PKHD1: variants seen among roughly 807,000 people sequenced by gnomAD.
PKHD1 encodes PKHD1 ciliary IPT domain containing fibrocystin/polyductin.
A neutral mutation model predicts 412.0 loss-of-function variants in PKHD1; 291 were observed. The observed-to-expected ratio is 0.71, with a 90% CI of 0.64 to 0.78. The LOEUF (loss-of-function observed/expected upper bound fraction) is 0.78. PKHD1 is among the 30% of genes least tolerant of loss of function. PKHD1 has a pLI of 0.00. For missense variants in PKHD1, 4,825 were observed against 4,950.7 expected (o/e 0.97, Z 0.76); for synonymous variants, 1,777 against 1,821.5 (o/e 0.98, Z 0.62).
At chr6:51,942,303 C>A (rs1057097644) in intron 36 of PKHD1, among the ~76,000 whole-genome samples, 2 of 151,772 alleles carry the variant, frequency 1.3e-5, no homozygotes, top group African/African-American at 2.4e-5. Flanking sequence ...TGCCCTGTAG[C>A]CTTTTTATCC....
At chr6:51,956,809 T>C (rs1054482115) in intron 36 of PKHD1, among the ~76,000 whole-genome samples, 1 of 151,908 alleles carries the variant, frequency 6.6e-6, no homozygotes, top group African/African-American at 2.4e-5. Flanking sequence ...CCATAGACAT[T>C]ACAGGCAAAG....
chr6:51,937,729 T>C (rs1413728312), intron 36 of PKHD1, among the ~76,000 whole-genome samples: 1 of 152,182 alleles, frequency 6.6e-6, no homozygotes, highest in Admixed American at 6.5e-5. Flanking sequence ...ATCTGTAAAA[T>C]GGGCATGGTA....
chr6:51,625,705 C>T (rs1767138114), intron 66 of PKHD1, among the ~76,000 whole-genome samples: 1 of 152,100 alleles, frequency 6.6e-6, no homozygotes, highest in South Asian at 2.1e-4. Context: ...CACTGAAATG[C>T]ACATAAATGG....
chr6:51,700,771 A>G (rs1779322833), intron 60 of PKHD1, among the ~76,000 whole-genome samples: 1 of 152,168 alleles, frequency 6.6e-6, no homozygotes, highest in African/African-American at 2.4e-5. Context: ...TTTGCAGAGA[A>G]TTAAAAAACC....
At chr6:51,837,328 T>C (rs554363748) in intron 50 of PKHD1, among the ~76,000 whole-genome samples, 1 of 152,288 alleles carries the variant, frequency 6.6e-6, no homozygotes, top group African/African-American at 2.4e-5. Flanking sequence ...TCGGCCAAAT[T>C]CACATTCTCC....
intron 36 of PKHD1, among the ~76,000 whole-genome samples, chr6:51,942,068 C>G (rs1393982400): frequency 6.6e-6 from 1 of 151,670 alleles, no homozygotes; most frequent in Non-Finnish European, 1.5e-5. Context: ...ACTTTAGACA[C>G]CTAGTTTTGC....
chr6:51,643,924 G>T (rs977843423), intron 63 of PKHD1, among the ~76,000 whole-genome samples: 4 of 151,278 alleles, frequency 2.6e-5, no homozygotes, highest in African/African-American at 4.9e-5. Context: ...GAAAACATTT[G>T]GTGTCTTAAT....
At chr6:52,007,020 T>C (rs888969187) in intron 35 of PKHD1, among the ~76,000 whole-genome samples, 9 of 152,336 alleles carry the variant, frequency 5.9e-5, no homozygotes, top group Non-Finnish European at 1.3e-4. Flanking sequence ...ATGCCATTAA[T>C]TTGTTCCTTT....
rs182247577 is a variant in PKHD1, at chr6:51,799,760, A to G, written c.8303-8387T>C. Among the ~76,000 whole-genome samples, 637 of 152,316 alleles carry G rather than the reference A, an allele frequency of 4.2e-3. 4 individuals carry two copies. The highest frequency in any genetic ancestry group is 0.012 in the African/African-American group (491 of 41,584). On this transcript the variant is annotated intron_variant, in intron 52 of 66. Coordinates refer to ENST00000371117, the MANE Select transcript of PKHD1 (RefSeq NM_138694.4). The stretch of plus-strand genomic sequence containing the variant: ...AGGATTTCTCTCTTTTGAGGAGTGG[A>G]AAGCTGGCATCTATGTGCCACATTC...
rs115381931 is a variant in PKHD1, at chr6:51,750,560, C to T, written c.8951-1895G>A. ...GGGCATGCAGCTCCCATTCCCTCCCCGGGTGCGCCACCTTAGTCTAGGAAG... is the reference window on the plus strand; with the variant it reads ...GGGCATGCAGCTCCCATTCCCTCCCTGGGTGCGCCACCTTAGTCTAGGAAG... On this transcript the variant is annotated intron_variant, in intron 57 of 66. Transcript: ENST00000371117. 3.0e-3 allele frequency among the ~76,000 whole-genome samples: 459 copies of T among 152,022 alleles called. 3 individuals are homozygous for T. Among genetic ancestry groups the T allele is most frequent in the African/African-American group, 0.011 (444 of 41,468 alleles).
Position 52,056,931 on chromosome 6 carries a change from C to T in PKHD1, c.1561G>A (p.Val521Ile), listed in dbSNP as rs776360842. Residue 521 changes from valine (V) to isoleucine (I), a missense_variant, in exon 17 of 67, where the codon GTC becomes ATC. Transcript: ENST00000371117. ...TTTGCAGGGATTGGCTGACTAGAGA[C>T]ATTGTCCCAAGTAAGGAAGAAGTTT... is the stretch of plus-strand genomic sequence containing the variant. ...RGNFFLTWDN[V>I]SSQPIPANAT... is the part of the protein sequence containing the mutation. The T allele has an allele frequency of 1.9e-6, 3 of 1,614,018 alleles. No homozygotes were observed. Among genetic ancestry groups the T allele is most frequent in the Admixed American group, 1.7e-5 (1 of 60,018 alleles).
intron 48 of PKHD1, among the ~76,000 whole-genome samples, chr6:51,866,715 A>G: frequency 6.6e-6 from 1 of 152,146 alleles, no homozygotes; most frequent in Non-Finnish European, 1.5e-5. Flanking sequence ...TAAGAAATAA[A>G]TCACTAATTT....
At chr6:52,067,167 A>T (rs1263227069) in intron 11 of PKHD1, among the ~76,000 whole-genome samples, 1 of 152,214 alleles carries the variant, frequency 6.6e-6, no homozygotes, top group South Asian at 2.1e-4. Flanking sequence ...AGCAGAGGAG[A>T]CATATGGAGG....
chr6:51,855,289 G>C (rs1431396003), intron 49 of PKHD1, among the ~76,000 whole-genome samples: 1 of 152,196 alleles, frequency 6.6e-6, no homozygotes, highest in African/African-American at 2.4e-5. Context: ...GCCGATGAAG[G>C]CTTCACATGC....
rs1801612869 is a variant in PKHD1, at chr6:52,022,919, A to G, written c.5262T>C (p.His1754=). The G allele has an allele frequency of 6.2e-7, 1 of 1,614,032 alleles. No individual in the cohort carries two copies. The highest frequency in any genetic ancestry group is 8.5e-7 in the Non-Finnish European group (1 of 1,180,038). ...CTGGAGAAAATCCCGCTCCAAACACATGCACCAGCCTTCCACCCAGGCAGC... is the reference window on the plus strand; with the variant it reads ...CTGGAGAAAATCCCGCTCCAAACACGTGCACCAGCCTTCCACCCAGGCAGC... ...NFGCLGGRLV[H]VFGAGFSPGN... The change falls in exon 33 of 67, where the codon CAT becomes CAC. Residue 1754 remains histidine (H), a synonymous_variant. Coordinates refer to ENST00000371117, the MANE Select transcript of PKHD1 (RefSeq NM_138694.4).
chr6:51,800,045 G>A (rs1762669271), intron 52 of PKHD1, among the ~76,000 whole-genome samples: 1 of 152,124 alleles, frequency 6.6e-6, no homozygotes, highest in African/African-American at 2.4e-5. Context: ...TCAATGGGTG[G>A]CTGATGGGGG....
intron 52 of PKHD1, among the ~76,000 whole-genome samples, chr6:51,809,359 T>C (rs1480978342): frequency 6.6e-6 from 1 of 152,024 alleles, no homozygotes; most frequent in African/African-American, 2.4e-5. Context: ...ACTAAGTACA[T>C]TCTTTTATAT....
chr6:51,840,646 G>A (rs1349932237), intron 50 of PKHD1, among the ~76,000 whole-genome samples: 1 of 152,130 alleles, frequency 6.6e-6, no homozygotes, highest in Non-Finnish European at 1.5e-5. Context: ...CATTTCAGCT[G>A]TTTACACAGG....
At position 52,033,047 on chromosome 6, in the gene PKHD1, T is replaced by C; in HGVS notation, c.3347A>G (p.Asn1116Ser). ...LNPVIVTLSRNISNIAGGETL... is the reference protein window; with the variant it reads ...LNPVIVTLSRSISNIAGGETL... ...TATTTTACCTGCTATATTGCTTATG[T>C]TTCTGCTCAGAGTCACAATAACTGG... Residue 1116 changes from asparagine to serine, a missense_variant, in exon 29 of 67, where the codon AAC (asparagine) becomes AGC (serine). Asn to Ser is a conservative substitution (Grantham distance 46). Coordinates refer to ENST00000371117, the MANE Select transcript of PKHD1 (RefSeq NM_138694.4). 6.2e-7 allele frequency: 1 copy of C among 1,612,832 alleles called. No individual in the cohort carries two copies. The highest frequency in any genetic ancestry group is 8.5e-7 in the Non-Finnish European group (1 of 1,178,918).
Sources: gnomAD v4.1 joint callset for allele counts (sites outside exome capture counted in the v4.1 genomes callset) on GRCh38, gnomAD v4.1.1 for gene constraint, MANE v1.5 for transcripts, NCBI Gene and HGNC (gene_info 2026-07-23, HGNC 2026-07-21) for gene names.